LRCH1: variants seen among roughly 807,000 people sequenced by gnomAD.
LRCH1 encodes the protein leucine rich repeats and calponin homology domain containing 1.
In LRCH1, 23 loss-of-function variants were observed where a neutral mutation model predicts 94.9. The observed-to-expected ratio is 0.24, with a 90% confidence interval of 0.17 to 0.34. The LOEUF (loss-of-function observed/expected upper bound fraction) is 0.34, where lower values mean the gene tolerates loss of function less well. LRCH1 is among the 10% of genes least tolerant of loss of function. The probability of loss-of-function intolerance (pLI) is 1.00; values close to 1 mark genes in which losing one functional copy is unlikely to be tolerated. For synonymous variants in LRCH1, 364 were observed against 354.9 expected, an observed-to-expected ratio of 1.03 and a Z score of -0.29; for missense variants, 790 against 945.9, an observed-to-expected ratio of 0.84 and a Z score of 2.16.
intron 1 of LRCH1, among the ~76,000 whole-genome samples, chr13:46,583,236 C>T (rs1396885417): frequency 1.3e-5 from 2 of 152,306 alleles, no homozygotes; most frequent in South Asian, 2.1e-4. Context: ...TTGCTATAAT[C>T]TCATGTCCAT....
chr13:46,742,783 T>C lies in LRCH1; in HGVS notation c.*935T>C, dbSNP rs143609956. ...AATAAAGCCATGAGCCGTGGAACAT[T>C]CTTGGTCCTGGTGCTTGGGTTATGA... On this transcript the variant is annotated 3_prime_UTR_variant, in exon 20 of 20. Coordinates refer to ENST00000389797, the MANE Select transcript of LRCH1 (RefSeq NM_001164211.2). 10,492 of 985,390 alleles carry C rather than the reference T, an allele frequency of 0.011. 70 individuals are homozygous for C. Among genetic ancestry groups the C allele is most frequent in the Non-Finnish European group, 0.012 (9,886 of 829,918 alleles). The allele number at this position is 985,390 out of a possible 1,614,324, so 61.0% of individuals were successfully genotyped here.
chr13:46,579,815 CTT>C (rs2050345661), intron 1 of LRCH1, among the ~76,000 whole-genome samples: 1 of 152,154 alleles, frequency 6.6e-6, no homozygotes, highest in Admixed American at 6.5e-5. Context: ...TTAAACAAAA[CTT>C]TTGTTTCAGA....
At chr13:46,581,296 T>C (rs1289491364) in intron 1 of LRCH1, among the ~76,000 whole-genome samples, 1 of 152,134 alleles carries the variant, frequency 6.6e-6, no homozygotes, top group Non-Finnish European at 1.5e-5. Context: ...AACTGGAGTA[T>C]GGTGTTAAGT....
At chr13:46,745,816 AG>A (rs1873887150), downstream of LRCH1, among the ~76,000 whole-genome samples, 1 of 152,200 alleles carries the variant, frequency 6.6e-6, no homozygotes, top group African/African-American at 2.4e-5. Context: ...CTGGCTTAGA[AG>A]TGTGGGTCTC....
At chr13:46,699,494 G>C in intron 10 of LRCH1, 91 bp downstream of exon 10, 1 of 1,112,932 alleles carries the variant, frequency 9.0e-7, no homozygotes, top group Non-Finnish European at 1.4e-6. Context: ...ATTTTGACCT[G>C]CTTTTCTGTG....
intron 19 of LRCH1, among the ~76,000 whole-genome samples, chr13:46,740,103 G>C (rs1021810458): frequency 2.5e-4 from 38 of 152,262 alleles, no homozygotes; most frequent in African/African-American, 7.7e-4. Context: ...GGATTTCCCT[G>C]GTCAAGCACA....
chr13:46,650,409 T>A, intron 2 of LRCH1, 64 bp downstream of exon 2: 2 of 1,394,734 alleles, frequency 1.4e-6, no homozygotes, highest in Non-Finnish European at 1.9e-6. Flanking sequence ...ATGCTTTCAT[T>A]TCTATCCATT....
intron 1 of LRCH1, among the ~76,000 whole-genome samples, chr13:46,609,802 AAG>A (rs2050727415): frequency 6.6e-6 from 1 of 152,176 alleles, no homozygotes; most frequent in Admixed American, 6.5e-5. Context: ...ACGTCCATGA[AAG>A]AGAGGTTAGA....
chr13:46,589,578 A>G (rs1461716683), intron 1 of LRCH1, among the ~76,000 whole-genome samples: 1 of 147,406 alleles, frequency 6.8e-6, no homozygotes, highest in African/African-American at 2.5e-5. Context: ...TCTAGCATCT[A>G]GAACAGTTCT....
intron 1 of LRCH1, among the ~76,000 whole-genome samples, chr13:46,566,484 G>A: frequency 6.6e-6 from 1 of 152,208 alleles, no homozygotes; most frequent in East Asian, 1.9e-4. Flanking sequence ...TGGGTCCAGG[G>A]TCTTTCAGAA....
At chr13:46,589,803 A>G (rs1387057311) in intron 1 of LRCH1, among the ~76,000 whole-genome samples, 1 of 150,964 alleles carries the variant, frequency 6.6e-6, no homozygotes, top group Non-Finnish European at 1.5e-5. Flanking sequence ...GTTTTACCAC[A>G]TTGGTTAGGC....
At chr13:46,609,362 T>C (rs2050722164) in intron 1 of LRCH1, among the ~76,000 whole-genome samples, 1 of 152,242 alleles carries the variant, frequency 6.6e-6, no homozygotes, top group Non-Finnish European at 1.5e-5. Flanking sequence ...ATATCAGTTT[T>C]CTTCAAGCTT....
chr13:46,588,275 C>G (rs962675543), intron 1 of LRCH1, among the ~76,000 whole-genome samples: 1 of 152,170 alleles, frequency 6.6e-6, no homozygotes, highest in African/African-American at 2.4e-5. Context: ...AAAACCCCTA[C>G]AAATCTGAGA....
chr13:46,667,372 A>G (rs1762305284), intron 2 of LRCH1, among the ~76,000 whole-genome samples: 1 of 152,118 alleles, frequency 6.6e-6, no homozygotes. Flanking sequence ...GAGGAGAGTC[A>G]AACTTCTAAT....
At chr13:46,704,425 T>C (rs1281088358) in intron 11 of LRCH1, among the ~76,000 whole-genome samples, 1 of 152,130 alleles carries the variant, frequency 6.6e-6, no homozygotes, top group African/African-American at 2.4e-5. Flanking sequence ...TCTTGATTTC[T>C]TCTCTTAAGG....
At chr13:46,555,602 C>T (rs1380899272) in intron 1 of LRCH1, among the ~76,000 whole-genome samples, 1 of 152,136 alleles carries the variant, frequency 6.6e-6, no homozygotes, top group Non-Finnish European at 1.5e-5. Context: ...TTTATGAGCT[C>T]ACTTGCACAT....
At chr13:46,661,211 C>CGTG (rs2051443752) in intron 2 of LRCH1, among the ~76,000 whole-genome samples, 1 of 152,130 alleles carries the variant, frequency 6.6e-6, no homozygotes, top group Non-Finnish European at 1.5e-5. Flanking sequence ...TAAAGCCTGA[C>CGTG]CCACCCGGTT....
intron 1 of LRCH1, among the ~76,000 whole-genome samples, chr13:46,589,058 G>C (rs183317476): frequency 6.6e-6 from 1 of 151,452 alleles, no homozygotes; most frequent in African/African-American, 2.4e-5. Context: ...ATTTTTTAAG[G>C]CAGGGTCTCA....
At chr13:46,562,366 G>T (rs1298312916) in intron 1 of LRCH1, among the ~76,000 whole-genome samples, 1 of 152,168 alleles carries the variant, frequency 6.6e-6, no homozygotes, top group South Asian at 2.1e-4. Context: ...GTGTCGGCAG[G>T]TTTGATTCTC....
Sources: allele counts gnomAD v4.1 joint callset (sites outside exome capture counted in the v4.1 genomes callset), GRCh38; gene constraint gnomAD v4.1.1; transcripts MANE v1.5; gene names NCBI Gene and HGNC (gene_info 2026-07-23, HGNC 2026-07-21).